Variants in ELP4 observed in about 807,000 individuals in gnomAD.
ELP4 encodes elongator complex protein 4.
A neutral mutation model predicts 48.9 loss-of-function variants in ELP4; 51 were observed. The observed-to-expected ratio is 1.04, with a 90% CI of 0.83 to 1.32. The LOEUF (loss-of-function observed/expected upper bound fraction) is 1.32, where lower values mean the gene tolerates loss of function less well. ELP4 is among the 40% of genes most tolerant of loss of function. ELP4 has a pLI of 0.00. For synonymous variants in ELP4, 210 were observed against 189.2 expected (o/e 1.11, Z -0.90); for missense variants, 519 against 514.6 (o/e 1.01, Z -0.08).
chr11:31,594,068 G>A (rs1477130024), intron 3 of ELP4, among the ~76,000 whole-genome samples: 6 of 152,084 alleles, frequency 3.9e-5, no homozygotes, highest in African/African-American at 1.4e-4. Context: ...TATTGTATGT[G>A]CTTTCCTTCT....
rs1301103561 is a variant in ELP4, at chr11:31,789,185, A to G, written c.*5661A>G. 9.7e-6 allele frequency: 2 copies of G among 206,612 alleles called. No individual in the cohort carries two copies. The highest frequency in any genetic ancestry group is 1.9e-4 in the South Asian group (1 of 5,340). The allele number at this position is 206,612 out of a possible 1,614,324, so 12.8% of individuals were successfully genotyped here. A position where few individuals can be genotyped will look rare whatever the true frequency, so the allele number is the denominator to read the frequency against. On this transcript the variant is annotated 3_prime_UTR_variant, in exon 10 of 10. Coordinates refer to ENST00000640961, the MANE Select transcript of ELP4 (RefSeq NM_019040.5). ...GCATGAAAATGTGTATAAAACATCT[A>G]TATTCTTGTCAAATATAAATGAAAT...
intron 2 of ELP4, among the ~76,000 whole-genome samples, chr11:31,533,283 G>A (rs1020456869): frequency 2.7e-5 from 4 of 150,448 alleles, no homozygotes; most frequent in African/African-American, 9.8e-5. Flanking sequence ...AAAAACGTGT[G>A]GTATTTGGTT....
chr11:31,776,523 G>A (rs1341822976), intron 9 of ELP4, among the ~76,000 whole-genome samples: 2 of 152,336 alleles, frequency 1.3e-5, no homozygotes, highest in East Asian at 1.9e-4. Flanking sequence ...TAGATTTTGG[G>A]AGTAAACTGG....
At chr11:31,611,028 A>G (rs1418515499) in intron 5 of ELP4, among the ~76,000 whole-genome samples, 1 of 152,162 alleles carries the variant, frequency 6.6e-6, no homozygotes, top group Non-Finnish European at 1.5e-5. Context: ...TCAACTTTAC[A>G]TGCTAGCCTA....
chr11:31,709,041 T>C (rs1222919701), intron 9 of ELP4, among the ~76,000 whole-genome samples: 1 of 152,134 alleles, frequency 6.6e-6, no homozygotes, highest in Non-Finnish European at 1.5e-5. Context: ...AGGTCCACGA[T>C]TAATTGATTT....
intron 2 of ELP4, among the ~76,000 whole-genome samples, chr11:31,525,644 T>C (rs1015385643): frequency 1.3e-5 from 2 of 152,148 alleles, no homozygotes; most frequent in African/African-American, 4.8e-5. Context: ...AGTTTGGCCT[T>C]CTTCCCCTGG....
chr11:31,717,668 C>T (rs1040400465), intron 9 of ELP4, among the ~76,000 whole-genome samples: 2 of 151,616 alleles, frequency 1.3e-5, no homozygotes, highest in African/African-American at 4.9e-5. Flanking sequence ...GCAAAAGAAT[C>T]GCTTGAACCC....
At position 31,592,650 on chromosome 11, in the gene ELP4, T is replaced by C. The variant is rs75092558; in HGVS notation, c.382-2120T>C. 8.2e-3 allele frequency among the ~76,000 whole-genome samples: 1,250 copies of C among 151,596 alleles called. 14 individuals are homozygous for C. Among genetic ancestry groups the C allele is most frequent in the African/African-American group, 0.028 (1,164 of 41,436 alleles). ...ATTAATTGATAAAGTGTATTTTCTG[T>C]ACATCTTTTGAAAATGAGTGCCTTA... On this transcript the variant is annotated intron_variant, in intron 3 of 9. Transcript: ENST00000640961.
intron 3 of ELP4, among the ~76,000 whole-genome samples, chr11:31,593,279 G>T (rs1049719885): frequency 5.2e-5 from 7 of 135,184 alleles, no homozygotes; most frequent in Non-Finnish European, 9.6e-5. Context: ...TTAAGACAGG[G>T]TTTCACTTTG....
At chr11:31,576,827 A>G (rs910520995) in intron 3 of ELP4, among the ~76,000 whole-genome samples, 3 of 152,176 alleles carry the variant, frequency 2.0e-5, no homozygotes, top group Non-Finnish European at 4.4e-5. Context: ...TAAATGCCCA[A>G]AAGAGAAAGA....
chr11:31,539,926 G>T (rs1159094021), intron 3 of ELP4, 143 bp downstream of exon 3: 8 of 621,532 alleles, frequency 1.3e-5, no homozygotes, highest in Non-Finnish European at 1.9e-5. Context: ...TAAAATCTCA[G>T]TAAAAAGTAT....
intron 1 of ELP4, among the ~76,000 whole-genome samples, chr11:31,514,161 CAA>C (rs1468061230): frequency 1.3e-5 from 2 of 152,102 alleles, no homozygotes; most frequent in African/African-American, 2.4e-5. Flanking sequence ...GAAGTAAAAA[CAA>C]GAGTTTATTT....
chr11:31,671,746 A>C (rs1382367570), intron 9 of ELP4, among the ~76,000 whole-genome samples: 1 of 152,194 alleles, frequency 6.6e-6, no homozygotes, highest in Non-Finnish European at 1.5e-5. Context: ...TGGCACATTG[A>C]GCTCCCTGGT....
chr11:31,655,399 A>G (rs1343151038), intron 9 of ELP4, among the ~76,000 whole-genome samples: 1 of 151,944 alleles, frequency 6.6e-6, no homozygotes, highest in Non-Finnish European at 1.5e-5. Flanking sequence ...ACATCATTTA[A>G]CTAAATTATT....
At chr11:31,654,177 A>G (rs1945380411) in intron 9 of ELP4, 1 of 151,718 alleles carries the variant, frequency 6.6e-6, no homozygotes, top group African/African-American at 2.4e-5. Flanking sequence ...TTCCAGCTCA[A>G]AGATTCGGTG....
intron 9 of ELP4, among the ~76,000 whole-genome samples, chr11:31,658,057 C>T (rs1845834640): frequency 6.6e-6 from 1 of 151,956 alleles, no homozygotes; most frequent in Non-Finnish European, 1.5e-5. Context: ...AGAAATGACA[C>T]TTAAATTGAA....
intron 5 of ELP4, among the ~76,000 whole-genome samples, chr11:31,604,991 G>A (rs749699317): frequency 6.6e-6 from 1 of 152,024 alleles, no homozygotes; most frequent in Non-Finnish European, 1.5e-5. Flanking sequence ...ATATGCAGAA[G>A]TATGAAGTCC....
intron 9 of ELP4, among the ~76,000 whole-genome samples, chr11:31,762,661 A>T (rs1947966735): frequency 6.6e-6 from 1 of 151,908 alleles, no homozygotes; most frequent in Non-Finnish European, 1.5e-5. Context: ...CATGTATCAT[A>T]TGTATGATTA....
intron 9 of ELP4, among the ~76,000 whole-genome samples, chr11:31,734,076 GA>G (rs1947251718): frequency 6.6e-6 from 1 of 152,144 alleles, no homozygotes; most frequent in Non-Finnish European, 1.5e-5. Context: ...GAACATTATT[GA>G]ATTTGATACA....
Sources: allele counts gnomAD v4.1 joint callset (sites outside exome capture counted in the v4.1 genomes callset), GRCh38; gene constraint gnomAD v4.1.1; transcripts MANE v1.5; gene names NCBI Gene and HGNC (gene_info 2026-07-23, HGNC 2026-07-21).